Variants in BROX observed in about 807,000 individuals in gnomAD.
The protein encoded by BROX is BRO1 domain and CAAX motif containing.
In BROX, 53 loss-of-function variants were observed where a neutral mutation model predicts 61.0. That is an observed-to-expected ratio of 0.87 (90% CI 0.70 to 1.09). The LOEUF is 1.09. BROX is among the 50% of genes least tolerant of loss of function. The probability of loss-of-function intolerance (pLI) is 0.00; values close to 1 mark genes in which losing one functional copy is unlikely to be tolerated. For missense variants in BROX, 489 were observed against 472.0 expected (o/e 1.04, Z -0.33); for synonymous variants, 152 against 160.2 (o/e 0.95, Z 0.38).
rs907676672 is a variant in BROX, at chr1:222,733,289, C to A, written c.*575C>A. 2 of 152,234 alleles carry A rather than the reference C, an allele frequency of 1.3e-5. No individual in the cohort carries two copies. The highest frequency in any genetic ancestry group is 6.6e-5 in the Admixed American group (1 of 15,250). 9.4% of individuals were successfully genotyped at this position (152,234 alleles called of 1,614,324 possible). On this transcript the variant is annotated 3_prime_UTR_variant, in exon 13 of 13. Transcript: ENST00000340934. ...AGAGACGTGATTTCACCATGTTGGC[C>A]AGGCTGGTCTCGAACTCCTGACCTC...
In BROX at chr1:222,714,151, C is replaced by T. The variant is rs188341568; in HGVS notation, c.-17+1209C>T. On this transcript the variant is annotated intron_variant, in intron 1 of 12. Coordinates refer to ENST00000340934, the MANE Select transcript of BROX (RefSeq NM_144695.4). The stretch of plus-strand genomic sequence containing the variant: ...TGCCATGTTTAGGTCTTCGCCTGGG[C>T]TTTCTCCTTATTATCTGCTGCACTA... Among the ~76,000 whole-genome samples the T allele has an allele frequency of 6.9e-4, 104 of 150,736 alleles. No individual in the cohort carries two copies. In the Middle Eastern group the frequency reaches 0.01, roughly 15 times the overall value.
intron 3 of BROX, 71 bp from the exon 4 acceptor site, chr1:222,719,192 T>A: frequency 7.4e-7 from 1 of 1,343,964 alleles, no homozygotes; most frequent in Non-Finnish European, 1.0e-6. Context: ...AATCTGAAAA[T>A]TTTTCCAAAC....
Position 222,731,427 on chromosome 1 carries a change from A to G in BROX, c.1060A>G (p.Ile354Val), listed in dbSNP as rs1335716125. The G allele has an allele frequency of 3.7e-6, 6 of 1,603,116 alleles. No homozygotes were observed. Among genetic ancestry groups the G allele is most frequent in the Admixed American group, 3.5e-5 (2 of 56,590 alleles). The change falls in exon 12 of 13, where the codon ATA becomes GTA. Residue 354 changes from isoleucine to valine, a missense_variant. Ile to Val is a conservative substitution (Grantham distance 29, BLOSUM62 3). Transcript: ENST00000340934. ...LKANYGLVEP[I>V]PFEFPPTSVQ... Reference sequence around the variant, plus strand: ...AGCAAATTATGGTCTCGTAGAGCCTATACCTTTCGAATTTCCTCCTACAAG... The same window carrying G: ...AGCAAATTATGGTCTCGTAGAGCCTGTACCTTTCGAATTTCCTCCTACAAG...
At chr1:222,724,667 C>T (rs915400413) in intron 6 of BROX, among the ~76,000 whole-genome samples, 2 of 152,172 alleles carry the variant, frequency 1.3e-5, no homozygotes, top group African/African-American at 2.4e-5. Flanking sequence ...TGTCCCCCTA[C>T]GTCATTCTAA....
At chr1:222,723,035 G>A (rs1657215466) in intron 5 of BROX, among the ~76,000 whole-genome samples, 1 of 152,174 alleles carries the variant, frequency 6.6e-6, no homozygotes, top group Admixed American at 6.5e-5. Flanking sequence ...AATAGCTATA[G>A]TGGATACAGC....
intron 10 of BROX, 54 bp downstream of exon 10, chr1:222,729,755 C>A: frequency 6.6e-7 from 1 of 1,505,564 alleles, no homozygotes. Flanking sequence ...ATGACTTTAT[C>A]ATAAAAGGGA....
chr1:222,731,351 T>C lies in BROX; in HGVS notation c.990-6T>C. On this transcript the variant is annotated splice_polypyrimidine_tract_variant and splice_region_variant and intron_variant, in intron 11 of 12. Coordinates refer to ENST00000340934, the MANE Select transcript of BROX (RefSeq NM_144695.4). The stretch of plus-strand genomic sequence containing the variant: ...AATGAATTGCTATTTAAATTATTTT[T>C]TGCAGTTACTTTCAAAAAATTCCAA... The C allele has an allele frequency of 1.3e-6, 2 of 1,558,848 alleles. No homozygotes were observed. Among genetic ancestry groups the C allele is most frequent in the Non-Finnish European group, 1.7e-6 (2 of 1,162,256 alleles).
At chr1:222,731,073 A>T (rs538396126) in intron 11 of BROX, among the ~76,000 whole-genome samples, 2 of 152,290 alleles carry the variant, frequency 1.3e-5, no homozygotes, top group East Asian at 3.9e-4. Context: ...TTCCTTAAGC[A>T]TGCCTAGTTC....
intron 1 of BROX, chr1:222,713,549 C>T (rs914807760): frequency 8.1e-6 from 5 of 620,486 alleles, no homozygotes; most frequent in East Asian, 2.8e-4. Context: ...GCACCCTTGT[C>T]CCTGCGGGTG....
In BROX at chr1:222,715,822, C is replaced by T. The variant is rs748514779; in HGVS notation, c.101+22C>T. On this transcript the variant is annotated intron_variant, in intron 2 of 12. Coordinates refer to ENST00000340934, the MANE Select transcript of BROX (RefSeq NM_144695.4). ...GCAAGTAAGTTTATTGATTGAACCA[C>T]TCTTAGATGCAAGGTACTTTTTTTG... 6 of 1,460,876 alleles carry T rather than the reference C, an allele frequency of 4.1e-6. No individual in the cohort carries two copies. In the East Asian group the frequency reaches 1.4e-4, roughly 34 times the overall value. 90.5% of individuals were successfully genotyped at this position (1,460,876 alleles called of 1,614,324 possible). A position where few individuals can be genotyped will look rare whatever the true frequency, so the allele number is the denominator to read the frequency against.
At chr1:222,720,456 A>G (rs894659682) in intron 4 of BROX, among the ~76,000 whole-genome samples, 13 of 152,308 alleles carry the variant, frequency 8.5e-5, no homozygotes, top group African/African-American at 2.2e-4. Context: ...GACAGATTCT[A>G]TAATGTGTGC....
intron 7 of BROX, among the ~76,000 whole-genome samples, chr1:222,726,718 A>C (rs79486429): frequency 3.6e-5 from 3 of 83,460 alleles, no homozygotes; most frequent in Non-Finnish European, 6.6e-5. Context: ...ACTCCATCTC[A>C]AAAAAAAAAA....
Position 222,731,525 on chromosome 1 carries a change from T to G in BROX, c.1149+9T>G. ...GACCCAAGGATGACAGTGTATGAGA[T>G]TGTTTTTTTTTTTCCCTCTCATTCA... is the stretch of plus-strand genomic sequence containing the variant. On this transcript the variant is annotated intron_variant, in intron 12 of 12. Coordinates refer to ENST00000340934, the MANE Select transcript of BROX (RefSeq NM_144695.4). 1 of 1,572,814 alleles carries G rather than the reference T, an allele frequency of 6.4e-7. No individual in the cohort carries two copies.
intron 3 of BROX, 67 bp downstream of exon 3, chr1:222,719,098 A>T (rs1656865707): frequency 6.9e-7 from 1 of 1,442,166 alleles, no homozygotes. Context: ...TAATTCTTTG[A>T]CTTTTCAAAT....
chr1:222,730,202 A>T (rs756962005), intron 11 of BROX, 25 bp downstream of exon 11: 1 of 1,395,566 alleles, frequency 7.2e-7, no homozygotes, highest in Non-Finnish European at 9.7e-7. Context: ...ATATTACTTT[A>T]GTAATAATAT....
At chr1:222,732,426 C>T (rs1253746437) in intron 12 of BROX, among the ~76,000 whole-genome samples, 2 of 152,078 alleles carry the variant, frequency 1.3e-5, no homozygotes, top group African/African-American at 4.8e-5. Context: ...GCCTACCAAA[C>T]TAGGTTTTCA....
At chr1:222,728,707 C>A (rs755744096) in intron 8 of BROX, 36 bp from the exon 9 acceptor site, 22 of 1,409,384 alleles carry the variant, frequency 1.6e-5, no homozygotes, top group Non-Finnish European at 1.9e-5. Flanking sequence ...TGAATCAGGG[C>A]GAAATTATAT....
At chr1:222,713,765 T>C (rs777334808) in intron 1 of BROX, 1 of 152,142 alleles carries the variant, frequency 6.6e-6, no homozygotes, top group Non-Finnish European at 1.5e-5. Flanking sequence ...AAGTGCTGAG[T>C]GTGATATTAT....
chr1:222,721,793 T>A (rs1023957046), intron 4 of BROX, among the ~76,000 whole-genome samples: 1 of 152,156 alleles, frequency 6.6e-6, no homozygotes, highest in East Asian at 1.9e-4. Flanking sequence ...CTTTTTGCCC[T>A]TCTTTTCCTT....
Sources: allele counts gnomAD v4.1 joint callset (sites outside exome capture counted in the v4.1 genomes callset), GRCh38; gene constraint gnomAD v4.1.1; transcripts MANE v1.5; gene names NCBI Gene and HGNC (gene_info 2026-07-23, HGNC 2026-07-21).